The following KIF26A variants were observed in gnomAD, a reference collection of about 807,000 sequenced individuals.
KIF26A encodes kinesin-like protein KIF26A.
In KIF26A, 74 loss-of-function variants were observed where a neutral mutation model predicts 126.0. That is an observed-to-expected ratio of 0.59 (90% CI 0.49 to 0.71). The LOEUF is 0.71. Ranked by LOEUF, KIF26A falls within the 30% of genes least tolerant of loss-of-function variation. The pLI is 0.00. For missense variants in KIF26A, 2,984 were observed against 2,763.3 expected (o/e 1.08, Z -1.79); for synonymous variants, 1,445 against 1,232.7 (o/e 1.17, Z -3.61).
intron 5 of KIF26A, among the ~76,000 whole-genome samples, chr14:104,170,056 C>G (rs971673496): frequency 6.6e-6 from 1 of 152,200 alleles, no homozygotes; most frequent in Non-Finnish European, 1.5e-5. Flanking sequence ...GTTGTGAGCC[C>G]GCTCTGCGAT....
At chr14:104,172,805 G>C in intron 7 of KIF26A, 137 bp downstream of exon 7, 2 of 1,096,492 alleles carry the variant, frequency 1.8e-6, no homozygotes, top group Non-Finnish European at 2.6e-6. Flanking sequence ...TGGGGTGAGG[G>C]GCTTGTGGAG....
rs1257923665 is a variant in KIF26A at position 104,175,013 on chromosome 14, C to T, written c.2225C>T (p.Ser742Phe). The T allele has an allele frequency of 1.3e-6, 2 of 1,555,310 alleles. No homozygotes were observed. Among genetic ancestry groups the T allele is most frequent in the African/African-American group, 1.4e-5 (1 of 73,652 alleles). ...TCCAGCTCCTCTGGCGGGGAGAGCT[C>T]CTGTGAGGAAGGCCGGGCCCGTCGG... ...YASSSSGGES[S>F]CEEGRARRPP... The change falls in exon 12 of 15, where the codon TCC (serine) becomes TTC (phenylalanine). Residue 742 changes from serine (S) to phenylalanine (F), a missense_variant. Coordinates refer to ENST00000423312, the MANE Select transcript of KIF26A (RefSeq NM_015656.2).
chr14:104,163,003 G>A (rs542519039), intron 4 of KIF26A, among the ~76,000 whole-genome samples: 1 of 152,352 alleles, frequency 6.6e-6, no homozygotes, highest in East Asian at 1.9e-4. Flanking sequence ...TCCCAGTCCT[G>A]CCTGCTAGAT....
At chr14:104,179,574 ACG>A in intron 14 of KIF26A, 33 bp from the exon 15 acceptor site, 2 of 1,478,250 alleles carry the variant, frequency 1.4e-6, no homozygotes, top group Non-Finnish European at 1.8e-6. Flanking sequence ...CTCGGGCCTG[ACG>A]CAGGTGCCCC....
intron 11 of KIF26A, 137 bp from the exon 12 acceptor site, chr14:104,174,845 G>T: frequency 1.1e-6 from 1 of 889,694 alleles, no homozygotes; most frequent in Non-Finnish European, 1.6e-6. Context: ...CCAGCGTTTG[G>T]TGGGACATGG....
intron 10 of KIF26A, 75 bp downstream of exon 10, chr14:104,173,943 C>A: frequency 6.7e-7 from 1 of 1,490,788 alleles, no homozygotes. Flanking sequence ...CTGGTGTGCC[C>A]GGTGCTGCTG....
Position 104,152,513 on chromosome 14 carries a change from G to A in KIF26A, c.735+52G>A. The A allele has an allele frequency of 6.8e-7, 1 of 1,473,828 alleles. No individual in the cohort carries two copies. The highest frequency in any genetic ancestry group is 9.0e-7 in the Non-Finnish European group (1 of 1,108,740). The allele number at this position is 1,473,828 out of a possible 1,614,324, so 91.3% of individuals were successfully genotyped here. Reference sequence around the variant, plus strand: ...GCTGCTGGCCTCCTTGTCAGAACTGGGCTTCCTTCGGGGGTCTCTGTCCAC... The same window carrying A: ...GCTGCTGGCCTCCTTGTCAGAACTGAGCTTCCTTCGGGGGTCTCTGTCCAC... On this transcript the variant is annotated intron_variant, in intron 3 of 14. Transcript: ENST00000423312. This position sits in a 1 kb window ranked among gnomAD's most constrained non-coding sequence, Gnocchi z 5.9.
At chr14:104,166,494 C>T (rs1348348724) in intron 4 of KIF26A, among the ~76,000 whole-genome samples, 1 of 152,100 alleles carries the variant, frequency 6.6e-6, no homozygotes, top group Non-Finnish European at 1.5e-5. Context: ...CGGGTGGGAG[C>T]AGCTTTCACT....
chr14:104,154,549 G>A (rs992405442), intron 3 of KIF26A, among the ~76,000 whole-genome samples: 2 of 152,184 alleles, frequency 1.3e-5, no homozygotes, highest in Admixed American at 6.5e-5. Flanking sequence ...CAGCGCTGCC[G>A]TTGCAGAGGG....
At chr14:104,168,489 C>T (rs1202700091) in intron 5 of KIF26A, among the ~76,000 whole-genome samples, 1 of 152,192 alleles carries the variant, frequency 6.6e-6, no homozygotes, top group Admixed American at 6.5e-5. Context: ...TGGGGCAGAC[C>T]TGACAGCTCT....
Position 104,151,924 on chromosome 14 carries a change from G to C in KIF26A, c.289-91G>C. 8.7e-7 allele frequency: 1 copy of C among 1,148,676 alleles called. No homozygotes were observed. Among genetic ancestry groups the C allele is most frequent in the Non-Finnish European group, 1.3e-6 (1 of 772,204 alleles). 71.2% of individuals were successfully genotyped at this position (1,148,676 alleles called of 1,614,324 possible). On this transcript the variant is annotated intron_variant, in intron 2 of 14. Transcript: ENST00000423312. This position sits in a 1 kb window ranked among gnomAD's most constrained non-coding sequence, Gnocchi z 4.9. ...TGCGGTGGCCAGGCGGGAGCTCGCAGCGTCATGGACGGTGAGAGTGCTGGT... is the reference window on the plus strand; with the variant it reads ...TGCGGTGGCCAGGCGGGAGCTCGCACCGTCATGGACGGTGAGAGTGCTGGT...
At chr14:104,179,521 G>T (rs972377366) in intron 14 of KIF26A, 88 bp from the exon 15 acceptor site, 14 of 1,435,148 alleles carry the variant, frequency 9.8e-6, no homozygotes, top group Non-Finnish European at 1.3e-5. Flanking sequence ...GGGCCAAGAT[G>T]CCTTTCCTGG....
intron 6 of KIF26A, 41 bp from the exon 7 acceptor site, chr14:104,172,533 AG>A: frequency 6.7e-7 from 1 of 1,499,002 alleles, no homozygotes. Flanking sequence ...ACGTGGCAGA[AG>A]GAAGGGGCCA....
intron 3 of KIF26A, among the ~76,000 whole-genome samples, chr14:104,154,782 C>T (rs981704380): frequency 5.9e-5 from 9 of 152,346 alleles, no homozygotes; most frequent in African/African-American, 1.7e-4. Flanking sequence ...CAAGTGGCAC[C>T]GTGGCCCTCC....
rs534137778 is a variant in KIF26A at position 104,177,750 on chromosome 14, C to T, written c.4962C>T (p.Ser1654=). 77 of 1,545,156 alleles carry T rather than the reference C, an allele frequency of 5.0e-5. No homozygotes were observed. Among genetic ancestry groups the T allele is most frequent in the South Asian group, 2.4e-4 (20 of 84,594 alleles). ...AMGRTALFHH[S]GGSSGYESLR... is the part of the protein sequence containing the mutation. ...GCCGCACCGCCCTTTTCCACCACAG[C>T]GGTGGCAGCAGTGGCTATGAGAGCC... The change falls in exon 12 of 15, where the codon AGC becomes AGT. Residue 1654 remains serine, a synonymous_variant. Transcript: ENST00000423312.
chr14:104,166,098 G>C (rs2037896346), intron 4 of KIF26A, among the ~76,000 whole-genome samples: 1 of 152,132 alleles, frequency 6.6e-6, no homozygotes, highest in Non-Finnish European at 1.5e-5. Context: ...GGTGGGCTTT[G>C]GGGTGGGGAG....
At chr14:104,153,644 G>GAACCC (rs2037751310) in intron 3 of KIF26A, among the ~76,000 whole-genome samples, 2 of 128,416 alleles carry the variant, frequency 1.6e-5, no homozygotes, top group Non-Finnish European at 1.7e-5. Flanking sequence ...CCAGAGCTGG[G>GAACCC]CATCCTGGGA....
Position 104,178,581 on chromosome 14 carries a change from A to G in KIF26A, c.5142A>G (p.Pro1714=). 1 of 1,501,840 alleles carries G rather than the reference A, an allele frequency of 6.7e-7. No individual in the cohort carries two copies. Among genetic ancestry groups the G allele is most frequent in the Non-Finnish European group, 8.9e-7 (1 of 1,121,974 alleles). 93.0% of individuals were successfully genotyped at this position (1,501,840 alleles called of 1,614,324 possible). A position where few individuals can be genotyped will look rare whatever the true frequency, so the allele number is the denominator to read the frequency against. ...GLQRRRLIPA[P]LPDTTALGRK... ...AGCGGCGGCGCCTGATTCCCGCCCC[A>G]CTGCCCGACACCACTGCCCTGGGCC... Residue 1714 remains proline, a synonymous_variant, in exon 13 of 15, where the codon CCA becomes CCG. Coordinates refer to ENST00000423312, the MANE Select transcript of KIF26A (RefSeq NM_015656.2).
rs1478743160 is a variant in KIF26A, at chr14:104,176,122, T to C, written c.3334T>C (p.Ser1112Pro). 17 of 1,582,040 alleles carry C rather than the reference T, an allele frequency of 1.1e-5. No individual in the cohort carries two copies. Among genetic ancestry groups the C allele is most frequent in the Middle Eastern group, 1.7e-4 (1 of 6,032 alleles). ...CAGCAGTCACGGCTCCTCCATCAGC[T>C]CCTGGCTCAGCGAGGTCAGCGTCTG... ...AGSSHGSSISSWLSEVSVCTA... is the reference protein window; with the variant it reads ...AGSSHGSSISPWLSEVSVCTA... Residue 1112 changes from serine to proline, a missense_variant, in exon 12 of 15, where the codon TCC becomes CCC. Physicochemically the swap from Ser to Pro is moderately conservative, Grantham distance 74. Coordinates refer to ENST00000423312, the MANE Select transcript of KIF26A (RefSeq NM_015656.2).
Sources: allele counts gnomAD v4.1 joint callset (sites outside exome capture counted in the v4.1 genomes callset), GRCh38; gene constraint gnomAD v4.1.1; non-coding constraint Gnocchi (gnomAD v3.1); transcripts MANE v1.5; gene names NCBI Gene and HGNC (gene_info 2026-07-23, HGNC 2026-07-21).